GPHN: variants seen among roughly 807,000 people sequenced by gnomAD.
GPHN encodes the protein gephyrin.
A neutral mutation model predicts 95.5 loss-of-function variants in GPHN; 17 were observed. The observed-to-expected ratio is 0.18, with a 90% CI of 0.12 to 0.27. GPHN has a LOEUF of 0.27. Ranked by LOEUF, GPHN falls within the 10% of genes least tolerant of loss-of-function variation. The pLI, the probability that GPHN is intolerant of heterozygous loss-of-function variation, is 1.00. For missense variants in GPHN, 660 were observed against 978.1 expected, an observed-to-expected ratio of 0.67 and a Z score of 4.34; for synonymous variants, 320 against 322.5, an observed-to-expected ratio of 0.99 and a Z score of 0.08.
the GPHN span, among the ~76,000 whole-genome samples, chr14:67,299,014 T>C: frequency 2.4e-4 from 37 of 152,374 alleles, no homozygotes; most frequent in Admixed American, 7.2e-4. Context: ...AGTTTGTAAA[T>C]TGCTGAGTAT....
At chr14:66,800,757 TG>T (rs983353575) in intron 3 of GPHN, among the ~76,000 whole-genome samples, 2 of 152,160 alleles carry the variant, frequency 1.3e-5, no homozygotes, top group African/African-American at 2.4e-5. Flanking sequence ...GGAAGTTCTC[TG>T]TTATTATCCT....
chr14:66,933,947 C>T (rs563839711), intron 8 of GPHN, among the ~76,000 whole-genome samples: 2 of 151,554 alleles, frequency 1.3e-5, no homozygotes, highest in East Asian at 3.9e-4. Flanking sequence ...GAGACCAACC[C>T]GGGCAACATG....
intron 8 of GPHN, among the ~76,000 whole-genome samples, chr14:66,948,012 C>T (rs2067863816): frequency 6.6e-6 from 1 of 152,044 alleles, no homozygotes; most frequent in African/African-American, 2.4e-5. Context: ...TATTCTGTTC[C>T]TATATTAAGT....
rs145607300 is a variant in GPHN, at chr14:66,818,251, C to G, written c.202-6223C>G. On this transcript the variant is annotated intron_variant, in intron 3 of 22. Coordinates refer to ENST00000478722, the MANE Select transcript of GPHN (RefSeq NM_020806.5). Reference sequence around the variant, plus strand: ...CCCATTAGTTATATTTCCTGCTTCTCTCCCTCCTCTCACCCTCCACCCTTC... The same window carrying G: ...CCCATTAGTTATATTTCCTGCTTCTGTCCCTCCTCTCACCCTCCACCCTTC... Among the ~76,000 whole-genome samples the G allele has an allele frequency of 3.4e-3, 523 of 152,168 alleles. 2 individuals are homozygous for G. Among genetic ancestry groups the G allele is most frequent in the African/African-American group, 0.012 (501 of 41,532 alleles).
chr14:67,475,059 G>GCGCA, the GPHN span, among the ~76,000 whole-genome samples: 1 of 151,914 alleles, frequency 6.6e-6, no homozygotes, highest in Non-Finnish European at 1.5e-5. Flanking sequence ...GGGACTACAG[G>GCGCA]CACACACCAT....
At chr14:67,335,185 A>AGAT in the GPHN span, 1 of 152,248 alleles carries the variant, frequency 6.6e-6, no homozygotes, top group Admixed American at 6.5e-5. Context: ...CAGCAATGGT[A>AGAT]GATAGAAATG....
At chr14:67,111,603 A>G (rs1044142667) in intron 14 of GPHN, among the ~76,000 whole-genome samples, 1 of 152,156 alleles carries the variant, frequency 6.6e-6, no homozygotes, top group African/African-American at 2.4e-5. Flanking sequence ...TATAAACAAG[A>G]TTTAATATTT....
At chr14:67,421,898 G>T in the GPHN span, among the ~76,000 whole-genome samples, 7,993 of 152,154 alleles carry the variant, frequency 0.053, 786 homozygotes, top group East Asian at 0.37. Context: ...ATAAATTGCT[G>T]GCAGTCTGAT....
At chr14:67,387,451 T>C in the GPHN span, 4 of 1,607,204 alleles carry the variant, frequency 2.5e-6, no homozygotes, top group Admixed American at 5.1e-5. Flanking sequence ...ACATTCCCTT[T>C]AACCCCTAGG....
rs140267025 is a variant in GPHN at position 66,973,532 on chromosome 14, G to A, written c.963+8207G>A. 5.8e-3 allele frequency among the ~76,000 whole-genome samples: 883 copies of A among 152,340 alleles called. 9 individuals carry two copies. The highest frequency in any genetic ancestry group is 0.021 in the African/African-American group (862 of 41,582). On this transcript the variant is annotated intron_variant, in intron 9 of 22. Coordinates refer to ENST00000478722, the MANE Select transcript of GPHN (RefSeq NM_020806.5). ...CCAGCACTTTGGAACGCCAAGGCGG[G>A]TGGATCACCTGATGTCAGGATTTAA...
intron 9 of GPHN, among the ~76,000 whole-genome samples, chr14:66,974,903 T>G (rs1226034575): frequency 1.3e-5 from 2 of 152,150 alleles, no homozygotes; most frequent in Non-Finnish European, 2.9e-5. Context: ...ACCTTAATTA[T>G]CTCATCTGTA....
intron 9 of GPHN, among the ~76,000 whole-genome samples, chr14:66,988,681 G>C (rs917499736): frequency 6.6e-6 from 1 of 152,132 alleles, no homozygotes; most frequent in Admixed American, 6.5e-5. Flanking sequence ...ACAGTACCTC[G>C]TATCCACTCA....
At chr14:66,739,498 G>A (rs955694843) in intron 2 of GPHN, among the ~76,000 whole-genome samples, 2 of 147,164 alleles carry the variant, frequency 1.4e-5, no homozygotes, top group Non-Finnish European at 3.0e-5. Flanking sequence ...TTACAGGCGT[G>A]AGCCACCACC....
chr14:66,910,829 A>G lies in GPHN; in HGVS notation c.390-5174A>G, dbSNP rs143423988. On this transcript the variant is annotated intron_variant, in intron 5 of 22. Transcript: ENST00000478722. ...AATGCTAGTTATGGCAACTGAAGTCAGTTTACTGCCCTGTTAATTGGTCGT... is the reference window on the plus strand; with the variant it reads ...AATGCTAGTTATGGCAACTGAAGTCGGTTTACTGCCCTGTTAATTGGTCGT... Among the ~76,000 whole-genome samples the G allele has an allele frequency of 3.0e-3, 452 of 152,090 alleles. 4 individuals carry two copies. The highest frequency in any genetic ancestry group is 0.01 in the African/African-American group (434 of 41,554).
intron 3 of GPHN, among the ~76,000 whole-genome samples, chr14:66,795,368 C>A (rs1047201974): frequency 1.3e-5 from 2 of 151,960 alleles, no homozygotes; most frequent in African/African-American, 2.4e-5. Context: ...TTTTTTACTT[C>A]TTTCCTGAAA....
intron 16 of GPHN, 50 bp downstream of exon 16, chr14:67,113,221 G>A (rs768654405): frequency 4.8e-6 from 7 of 1,472,890 alleles, no homozygotes; most frequent in Middle Eastern, 1.7e-4. Context: ...ATAAGATAAA[G>A]GTATTTCTGA....
the GPHN span, among the ~76,000 whole-genome samples, chr14:67,438,627 G>C: frequency 6.6e-6 from 1 of 152,126 alleles, no homozygotes; most frequent in Non-Finnish European, 1.5e-5. Flanking sequence ...TTGGGAGGTC[G>C]AGGTGGGTGG....
chr14:67,619,697 C>T, the GPHN span: 603 of 338,230 alleles, frequency 1.8e-3, 4 homozygotes, highest in African/African-American at 0.012. Flanking sequence ...GGCCTTCTGG[C>T]GTCAGCGGCA....
intron 1 of GPHN, among the ~76,000 whole-genome samples, 159 bp downstream of exon 1, chr14:66,508,750 A>G (rs908882965): frequency 6.6e-6 from 1 of 152,080 alleles, no homozygotes; most frequent in African/African-American, 2.4e-5. Context: ...ACCGCCGGAG[A>G]TTGGGGGTGT....
Sources: gnomAD v4.1 joint callset for allele counts (sites outside exome capture counted in the v4.1 genomes callset) on GRCh38, gnomAD v4.1.1 for gene constraint, MANE v1.5 for transcripts, NCBI Gene and HGNC (gene_info 2026-07-23, HGNC 2026-07-21) for gene names.